MORN1: variants seen among roughly 807,000 people sequenced by gnomAD.
MORN1 encodes the protein MORN repeat-containing protein 1.
MORN1 carries 67 observed loss-of-function variants against 61.9 expected under a neutral mutation model. The ratio of observed to expected loss-of-function variants is 1.08; its 90% CI spans 0.89 to 1.33. The LOEUF (loss-of-function observed/expected upper bound fraction) is 1.33. Among genes scored for constraint, MORN1 ranks in the 40% most tolerant of loss-of-function variants. MORN1 has a pLI of 0.00. For synonymous variants in MORN1, 301 were observed against 292.0 expected, an observed-to-expected ratio of 1.03 and a Z score of -0.31; for missense variants, 752 against 691.2, an observed-to-expected ratio of 1.09 and a Z score of -0.99.
chr1:2,359,932 G>A (rs571221163), intron 8 of MORN1, among the ~76,000 whole-genome samples: 182 of 152,082 alleles, frequency 1.2e-3, no homozygotes, highest in Admixed American at 2.3e-3. Context: ...GACCAGTCCG[G>A]TGCCCCAGAG....
intron 8 of MORN1, among the ~76,000 whole-genome samples, chr1:2,368,867 G>A (rs1642049204): frequency 1.3e-5 from 2 of 152,000 alleles, no homozygotes; most frequent in African/African-American, 2.4e-5. Flanking sequence ...GACCATTCTG[G>A]CCAACATGGT....
intron 6 of MORN1, chr1:2,374,853 T>A: frequency 3.0e-6 from 1 of 329,526 alleles, no homozygotes; most frequent in Non-Finnish European, 5.6e-6. Context: ...AAGGGGCACA[T>A]TTCAGCAAAA....
intron 8 of MORN1, among the ~76,000 whole-genome samples, chr1:2,360,732 G>A (rs901832570): frequency 2.0e-5 from 3 of 152,186 alleles, no homozygotes; most frequent in African/African-American, 4.8e-5. Flanking sequence ...AAAACTCCAC[G>A]AGGCTGGGGA....
intron 7 of MORN1, among the ~76,000 whole-genome samples, chr1:2,373,785 G>A (rs1642175777): frequency 1.3e-5 from 2 of 152,216 alleles, no homozygotes; most frequent in Admixed American, 1.3e-4. Flanking sequence ...TCTGTGCTGA[G>A]GGCAGCAGTT....
At chr1:2,381,657 G>A (rs935781536) in intron 6 of MORN1, among the ~76,000 whole-genome samples, 3 of 152,126 alleles carry the variant, frequency 2.0e-5, no homozygotes, top group Non-Finnish European at 4.4e-5. Flanking sequence ...CAAGACTCTC[G>A]CAGAAATCCT....
intron 10 of MORN1, among the ~76,000 whole-genome samples, chr1:2,342,205 G>A (rs1045087712): frequency 2.0e-5 from 3 of 152,274 alleles, no homozygotes; most frequent in Non-Finnish European, 4.4e-5. Flanking sequence ...GCTCTGGAGG[G>A]AAATTCCAAT....
At chr1:2,390,607 C>G (rs1365380318) in intron 1 of MORN1, 29 of 985,170 alleles carry the variant, frequency 2.9e-5, no homozygotes, top group Non-Finnish European at 3.5e-5. Flanking sequence ...GGGAAAATGT[C>G]GGGGAGGAGG....
intron 12 of MORN1, 70 bp from the exon 13 acceptor site, chr1:2,324,213 G>A: frequency 6.7e-7 from 1 of 1,485,998 alleles, no homozygotes; most frequent in African/African-American, 1.4e-5. Flanking sequence ...TCCCTGACCT[G>A]AACCAGGGCT....
intron 12 of MORN1, among the ~76,000 whole-genome samples, chr1:2,327,056 A>G (rs1641041639): frequency 6.6e-6 from 1 of 152,224 alleles, no homozygotes; most frequent in Non-Finnish European, 1.5e-5. Flanking sequence ...ACAGAGACAC[A>G]GAAATACAGA....
At chr1:2,354,142 G>A (rs186963647) in intron 10 of MORN1, among the ~76,000 whole-genome samples, 11 of 152,212 alleles carry the variant, frequency 7.2e-5, no homozygotes, top group East Asian at 3.9e-4. Context: ...AAAATTAGTC[G>A]GGCGAGGTGT....
chr1:2,349,092 T>C (rs1045762518), intron 10 of MORN1, among the ~76,000 whole-genome samples: 3 of 152,162 alleles, frequency 2.0e-5, no homozygotes, highest in Non-Finnish European at 4.4e-5. Context: ...CCCTGCTCCA[T>C]TGGGCCCAAC....
intron 8 of MORN1, among the ~76,000 whole-genome samples, chr1:2,364,943 A>G (rs1356772896): frequency 6.6e-6 from 1 of 152,210 alleles, no homozygotes; most frequent in African/African-American, 2.4e-5. Context: ...TACCAGTACC[A>G]TGCTGTTTTG....
At chr1:2,377,315 GT>G (rs1290846916) in intron 6 of MORN1, 8 of 152,296 alleles carry the variant, frequency 5.3e-5, no homozygotes, top group Admixed American at 5.2e-4. Flanking sequence ...ACACACATAC[GT>G]CCCCCTCGGT....
intron 2 of MORN1, chr1:2,388,561 G>T: frequency 2.0e-6 from 1 of 498,986 alleles, no homozygotes; most frequent in Non-Finnish European, 3.6e-6. Context: ...AACAAGCACA[G>T]GAATCGAAGT....
chr1:2,391,539 C>T lies in MORN1; in HGVS notation c.-6G>A, dbSNP rs1052865643. 8.0e-6 allele frequency: 10 copies of T among 1,248,952 alleles called. No individual in the cohort carries two copies. The East Asian group carries it at 1.3e-4, about 16-fold the overall frequency. The allele number at this position is 1,248,952 out of a possible 1,614,324, so 77.4% of individuals were successfully genotyped here. The stretch of plus-strand genomic sequence containing the variant: ...CCCTCGCCCGCCGCTGCCATCTTGC[C>T]GCCGAGGGTTCTCTTAGCGACCAGC... On this transcript the variant is annotated 5_prime_UTR_variant, in exon 1 of 14. Coordinates refer to ENST00000378531, the MANE Select transcript of MORN1 (RefSeq NM_024848.3).
At chr1:2,385,103 G>A (rs929600728) in intron 5 of MORN1, 38 bp from the exon 6 acceptor site, 3 of 1,551,656 alleles carry the variant, frequency 1.9e-6, no homozygotes, top group South Asian at 2.4e-5. Context: ...CTCAACAGGG[G>A]GAGCCGGGTG....
At chr1:2,388,513 T>C (rs963713516) in intron 2 of MORN1, 176 bp from the exon 3 acceptor site, 2 of 574,362 alleles carry the variant, frequency 3.5e-6, no homozygotes, top group East Asian at 3.0e-5. Context: ...CAAAAATATC[T>C]GCCGAAACAC....
chr1:2,385,967 C>A (rs1042121019), intron 4 of MORN1, 70 bp from the exon 5 acceptor site: 2 of 1,414,942 alleles, frequency 1.4e-6, no homozygotes, highest in African/African-American at 2.8e-5. Context: ...ATCTGCCCTC[C>A]GCTCCTTGGA....
intron 6 of MORN1, among the ~76,000 whole-genome samples, chr1:2,383,280 AGTGGCCT>A (rs1021622668): frequency 4.6e-5 from 7 of 152,218 alleles, no homozygotes; most frequent in African/African-American, 1.7e-4. Flanking sequence ...GGCCAGGGCC[AGTGGCCT>A]GTGGAACACC....
Sources: allele counts gnomAD v4.1 joint callset (sites outside exome capture counted in the v4.1 genomes callset), GRCh38; gene constraint gnomAD v4.1.1; transcripts MANE v1.5; gene names NCBI Gene and HGNC (gene_info 2026-07-23, HGNC 2026-07-21).